The following RAB22A variants were observed in gnomAD, a reference collection of about 807,000 sequenced individuals.
RAB22A encodes ras-related protein Rab-22A.
Under a neutral mutation model 30.2 loss-of-function variants are expected in RAB22A, and 13 were observed. That is an observed-to-expected ratio of 0.43 (90% CI 0.28 to 0.68). RAB22A has a LOEUF of 0.68. Ranked by LOEUF, RAB22A falls within the 30% of genes least tolerant of loss-of-function variation. The probability of loss-of-function intolerance (pLI) is 0.18; values close to 1 mark genes in which losing one functional copy is unlikely to be tolerated. For missense variants in RAB22A, 177 were observed against 246.8 expected, an observed-to-expected ratio of 0.72 and a Z score of 1.89; for synonymous variants, 89 against 87.2, an observed-to-expected ratio of 1.02 and a Z score of -0.11.
intron 2 of RAB22A, among the ~76,000 whole-genome samples, chr20:58,338,734 G>A (rs1986805245): frequency 6.6e-6 from 1 of 152,186 alleles, no homozygotes; most frequent in Admixed American, 6.5e-5. Flanking sequence ...AGACAACTTT[G>A]TGAAGGTCCC....
intron 2 of RAB22A, among the ~76,000 whole-genome samples, chr20:58,332,037 G>A (rs1568868004): frequency 6.6e-6 from 1 of 152,158 alleles, no homozygotes; most frequent in Non-Finnish European, 1.5e-5. Flanking sequence ...AATGTAAGTA[G>A]TAATGATAAC....
At chr20:58,335,166 A>G (rs905633209) in intron 2 of RAB22A, among the ~76,000 whole-genome samples, 3 of 152,248 alleles carry the variant, frequency 2.0e-5, no homozygotes, top group Non-Finnish European at 2.9e-5. Context: ...GATTCCATTT[A>G]TTTGAAATCC....
At position 58,334,501 on chromosome 20, in the gene RAB22A, CT is replaced by C. The variant is rs540497333; in HGVS notation, c.117-9207del. On this transcript the variant is annotated intron_variant, in intron 2 of 6. Transcript: ENST00000244040. The stretch of plus-strand genomic sequence containing the variant: ...TGACTGTAAGTTTTCTTATTTTGAG[CT>C]TTTTTTTTTCTTTTTTTTAAATTAC... Among the ~76,000 whole-genome samples the C allele has an allele frequency of 8.3e-4, 123 of 147,810 alleles. 2 individuals carry two copies. The South Asian group carries it at 0.018, about 21-fold the overall frequency.
In RAB22A at chr20:58,364,486, G is replaced by A. The variant is rs371610159; in HGVS notation, c.*4783G>A. ...ACCTTCCATCTATCCCTTTTATTAC[G>A]TTGAACATTTTAGATAGTAAGATTA... On this transcript the variant is annotated 3_prime_UTR_variant, in exon 7 of 7. Transcript: ENST00000244040. The A allele has an allele frequency of 6.6e-6, 1 of 151,912 alleles. No individual in the cohort carries two copies. The highest frequency in any genetic ancestry group is 1.5e-5 in the Non-Finnish European group (1 of 68,004). 9.4% of individuals were successfully genotyped at this position (151,912 alleles called of 1,614,324 possible). A position where few individuals can be genotyped will look rare whatever the true frequency, so the allele number is the denominator to read the frequency against.
At chr20:58,312,472 CTTTTTTTTTTTTTTT>C (rs58198236) in intron 2 of RAB22A, among the ~76,000 whole-genome samples, 1,887 of 38,964 alleles carry the variant, frequency 0.048, 55 homozygotes, top group Middle Eastern at 0.11. Context: ...GGCTGGTTTT[CTTTTTTTTTTTTTTT>C]TTTTTTTTTT....
intron 2 of RAB22A, among the ~76,000 whole-genome samples, chr20:58,335,126 A>G (rs1240390222): frequency 2.0e-5 from 3 of 152,256 alleles, no homozygotes; most frequent in Non-Finnish European, 4.4e-5. Context: ...TAAATGAAAG[A>G]AGCTAGACAC....
intron 2 of RAB22A, among the ~76,000 whole-genome samples, chr20:58,322,857 C>G (rs80233899): frequency 0.046 from 6,984 of 152,004 alleles, 215 homozygotes; most frequent in African/African-American, 0.085. Context: ...GCCATTGTCA[C>G]GATTTCTAAT....
intron 5 of RAB22A, 143 bp from the exon 6 acceptor site, chr20:58,354,013 C>A (rs564415274): frequency 1.1e-5 from 6 of 556,506 alleles, no homozygotes; most frequent in Non-Finnish European, 1.9e-5. Context: ...GTGGTGTAAT[C>A]GAGAAGACCA....
In RAB22A at chr20:58,366,374, A is replaced by G. The variant is rs1987317118; in HGVS notation, c.*6671A>G. 6.6e-6 allele frequency: 1 copy of G among 152,236 alleles called. No homozygotes were observed. The highest frequency in any genetic ancestry group is 6.5e-5 in the Admixed American group (1 of 15,280). The allele number at this position is 152,236 out of a possible 1,614,324, so 9.4% of individuals were successfully genotyped here. ...AGTTGATTAGTGGGCACAGAAATAC[A>G]GTTAGATAGAAGGAATAGTTCCAGC... On this transcript the variant is annotated 3_prime_UTR_variant, in exon 7 of 7. Transcript: ENST00000244040.
At position 58,329,482 on chromosome 20, in the gene RAB22A, A is replaced by G. The variant is rs890894706; in HGVS notation, c.117-14236A>G. On this transcript the variant is annotated intron_variant, in intron 2 of 6. Coordinates refer to ENST00000244040, the MANE Select transcript of RAB22A (RefSeq NM_020673.3). ...TTGTTGAGTGGCGTCATCCTCCTTC[A>G]TATTGTTACCCTATATGTAATGCCT... is the stretch of plus-strand genomic sequence containing the variant. Among the ~76,000 whole-genome samples the G allele has an allele frequency of 2.6e-5, 4 of 152,198 alleles. No individual in the cohort carries two copies. In the East Asian group the frequency reaches 7.7e-4, roughly 29 times the overall value.
rs761749470 is a variant in RAB22A, at chr20:58,360,118, G to GT, written c.*417dup. The GT allele has an allele frequency of 1.1e-4, 17 of 153,880 alleles. No homozygotes were observed. Among genetic ancestry groups the GT allele is most frequent in the Admixed American group, 2.6e-4 (4 of 15,362 alleles). 9.5% of individuals were successfully genotyped at this position (153,880 alleles called of 1,614,324 possible). ...AATTTCCTTGGTTTCTGTTACCACT[G>GT]TTAGAGGGAGTTGTATCATTTAACA... On this transcript the variant is annotated 3_prime_UTR_variant, in exon 7 of 7. Coordinates refer to ENST00000244040, the MANE Select transcript of RAB22A (RefSeq NM_020673.3).
At chr20:58,320,162 A>G (rs769962037) in intron 2 of RAB22A, among the ~76,000 whole-genome samples, 3 of 152,082 alleles carry the variant, frequency 2.0e-5, no homozygotes, top group Non-Finnish European at 4.4e-5. Flanking sequence ...TTTGTGTAGA[A>G]TTGGTATTAC....
In RAB22A at chr20:58,364,687, G is replaced by T. The variant is rs1248982002; in HGVS notation, c.*4984G>T. 2.0e-5 allele frequency: 3 copies of T among 151,218 alleles called. No individual in the cohort carries two copies. Among genetic ancestry groups the T allele is most frequent in the African/African-American group, 7.3e-5 (3 of 41,190 alleles). The allele number at this position is 151,218 out of a possible 1,614,324, so 9.4% of individuals were successfully genotyped here. A position where few individuals can be genotyped will look rare whatever the true frequency, so the allele number is the denominator to read the frequency against. The stretch of plus-strand genomic sequence containing the variant: ...CATGAGCAAGAATTCAAGTATCAAG[G>T]CCTATCAGCCAATTAAAAGCCGTAA... On this transcript the variant is annotated 3_prime_UTR_variant, in exon 7 of 7. Transcript: ENST00000244040.
rs58198236 is a variant in RAB22A, at chr20:58,312,472, CTTTTTTTTTTTTTTTTTT to C, written c.116+1367_116+1384del. Among the ~76,000 whole-genome samples, 57 of 38,716 alleles carry C rather than the reference CTTTTTTTTTTTTTTTTTT, an allele frequency of 1.5e-3. 2 individuals carry two copies. The highest frequency in any genetic ancestry group is 1.7e-3 in the African/African-American group (17 of 10,110). 25.4% of individuals were successfully genotyped at this position (38,716 alleles called of 152,430 possible). On this transcript the variant is annotated intron_variant, in intron 2 of 6. Transcript: ENST00000244040. ...GCACCATGTTACTCCGGCTGGTTTT[CTTTTTTTTTTTTTTTTTT>C]TTTTTTTTTTTTTTTTGAGGTGGAG... is the stretch of plus-strand genomic sequence containing the variant.
chr20:58,333,138 G>A (rs979369341), intron 2 of RAB22A, among the ~76,000 whole-genome samples: 2 of 151,950 alleles, frequency 1.3e-5, no homozygotes, highest in Admixed American at 6.6e-5. Context: ...AAATTAGCAG[G>A]GTGTGGTGGC....
At chr20:58,346,900 A>G (rs1280119052) in intron 3 of RAB22A, among the ~76,000 whole-genome samples, 3 of 152,138 alleles carry the variant, frequency 2.0e-5, no homozygotes, top group Admixed American at 1.3e-4. Context: ...TCTGCCTTTC[A>G]TTAGACTGTA....
chr20:58,315,769 T>G (rs1421922396), intron 2 of RAB22A, among the ~76,000 whole-genome samples: 1 of 151,784 alleles, frequency 6.6e-6, no homozygotes, highest in Non-Finnish European at 1.5e-5. Context: ...CTTCCCATCC[T>G]CACATCTGAG....
In RAB22A at chr20:58,360,757, G is replaced by A. The variant is rs1385573370; in HGVS notation, c.*1054G>A. On this transcript the variant is annotated 3_prime_UTR_variant, in exon 7 of 7. Transcript: ENST00000244040. ...CTCAAGCACATTGGTATTGTATAAAGGTATAGAGCACTTAGCTTACAATCT... is the reference window on the plus strand; with the variant it reads ...CTCAAGCACATTGGTATTGTATAAAAGTATAGAGCACTTAGCTTACAATCT... 1 of 152,560 alleles carries A rather than the reference G, an allele frequency of 6.6e-6. No homozygotes were observed. The highest frequency in any genetic ancestry group is 1.5e-5 in the Non-Finnish European group (1 of 68,040). 9.5% of individuals were successfully genotyped at this position (152,560 alleles called of 1,614,324 possible).
intron 2 of RAB22A, among the ~76,000 whole-genome samples, chr20:58,326,685 A>G (rs763482033): frequency 4.6e-5 from 7 of 152,124 alleles, no homozygotes; most frequent in Non-Finnish European, 7.4e-5. Flanking sequence ...ACTAGAGTAG[A>G]ATTGATAGTT....
Sources: allele counts gnomAD v4.1 joint callset (sites outside exome capture counted in the v4.1 genomes callset), GRCh38; gene constraint gnomAD v4.1.1; transcripts MANE v1.5; gene names NCBI Gene and HGNC (gene_info 2026-07-23, HGNC 2026-07-21).